Variants in SMIM14 observed in about 807,000 individuals in gnomAD.
SMIM14 encodes the protein small integral membrane protein 14.
SMIM14 carries 5 observed loss-of-function variants against 12.6 expected under a neutral mutation model. The observed-to-expected ratio is 0.40, with a 90% CI of 0.21 to 0.83. SMIM14 has a LOEUF of 0.83. Among genes scored for constraint, SMIM14 ranks in the 40% least tolerant of loss-of-function variants. SMIM14 has a pLI of 0.37. For synonymous variants in SMIM14, 30 were observed against 40.1 expected (o/e 0.75, Z 0.95); for missense variants, 86 against 119.1 (o/e 0.72, Z 1.29).
chr4:39,636,173 C>CA (rs749292775), intron 1 of SMIM14, among the ~76,000 whole-genome samples: 850 of 76,310 alleles, frequency 0.011, 20 homozygotes, highest in South Asian at 0.017. Context: ...CTCCATCTCC[C>CA]AAAAAAAAAA....
At chr4:39,552,977 G>A (rs1711798633) in intron 4 of SMIM14, among the ~76,000 whole-genome samples, 1 of 151,914 alleles carries the variant, frequency 6.6e-6, no homozygotes, top group Non-Finnish European at 1.5e-5. Flanking sequence ...CTAAGATAGT[G>A]GAACTACTAT....
At chr4:39,618,431 G>T (rs1489078787) in intron 1 of SMIM14, among the ~76,000 whole-genome samples, 3 of 151,914 alleles carry the variant, frequency 2.0e-5, no homozygotes, top group Non-Finnish European at 4.4e-5. Flanking sequence ...GGTGGGTCAC[G>T]AGGTCAGGAG....
At position 39,590,879 on chromosome 4, in the gene SMIM14, G is replaced by A. The variant is rs1241120537; in HGVS notation, c.75+14192C>T. 2.0e-5 allele frequency among the ~76,000 whole-genome samples: 3 copies of A among 151,646 alleles called. No individual in the cohort carries two copies. The East Asian group carries it at 5.8e-4, about 29-fold the overall frequency. ...AATAACACAGAATTATATGTAACAT[G>A]ATGAAGATACCCAGATTGTCACTGA... On this transcript the variant is annotated intron_variant, in intron 2 of 4. Transcript: ENST00000295958.
chr4:39,590,327 T>G (rs957512369), intron 2 of SMIM14, among the ~76,000 whole-genome samples: 5 of 147,390 alleles, frequency 3.4e-5, no homozygotes, highest in African/African-American at 1.3e-4. Flanking sequence ...GCAGGAGAAT[T>G]GCTTGTGGAA....
At chr4:39,583,070 G>A (rs899797868) in intron 2 of SMIM14, among the ~76,000 whole-genome samples, 1 of 151,992 alleles carries the variant, frequency 6.6e-6, no homozygotes, top group Non-Finnish European at 1.5e-5. Flanking sequence ...GGGATTACAC[G>A]CGTGAGCCAC....
chr4:39,562,662 T>A (rs1278558287), intron 3 of SMIM14, among the ~76,000 whole-genome samples: 1 of 151,942 alleles, frequency 6.6e-6, no homozygotes, highest in African/African-American at 2.4e-5. Flanking sequence ...TTAATTTTTT[T>A]ATATTTTTAA....
At chr4:39,592,142 TCTATTACA>T (rs1160577394) in intron 2 of SMIM14, among the ~76,000 whole-genome samples, 1 of 151,978 alleles carries the variant, frequency 6.6e-6, no homozygotes, top group Non-Finnish European at 1.5e-5. Flanking sequence ...GCTGCAGTGA[TCTATTACA>T]CCACTCCACT....
intron 2 of SMIM14, among the ~76,000 whole-genome samples, chr4:39,603,603 T>C (rs1714696494): frequency 6.6e-6 from 1 of 151,900 alleles, no homozygotes; most frequent in Non-Finnish European, 1.5e-5. Flanking sequence ...TAAAGTATAA[T>C]ATAAACAGCC....
At chr4:39,605,721 T>C (rs1313282472) in intron 1 of SMIM14, among the ~76,000 whole-genome samples, 3 of 152,140 alleles carry the variant, frequency 2.0e-5, no homozygotes, top group Non-Finnish European at 4.4e-5. Context: ...ACAAAATACA[T>C]GAAACAATTG....
intron 1 of SMIM14, among the ~76,000 whole-genome samples, chr4:39,627,052 T>G (rs1715729861): frequency 6.6e-6 from 1 of 152,192 alleles, no homozygotes. Context: ...GTAGATTCAG[T>G]GTCTGCTGAG....
intron 1 of SMIM14, among the ~76,000 whole-genome samples, chr4:39,635,861 C>T (rs1160594380): frequency 6.6e-6 from 1 of 151,936 alleles, no homozygotes; most frequent in East Asian, 1.9e-4. Context: ...GGGCACACAC[C>T]AAGACTCAAT....
intron 2 of SMIM14, among the ~76,000 whole-genome samples, chr4:39,599,692 G>A (rs182538120): frequency 1.3e-5 from 2 of 152,258 alleles, no homozygotes; most frequent in Non-Finnish European, 2.9e-5. Context: ...GGGAGGCTGA[G>A]GCGGGTGGAT....
intron 3 of SMIM14, among the ~76,000 whole-genome samples, chr4:39,559,716 A>G (rs1299781792): frequency 6.6e-6 from 1 of 152,142 alleles, no homozygotes; most frequent in Admixed American, 6.6e-5. Flanking sequence ...ACGAAGTCTT[A>G]TGGCAAACAA....
chr4:39,578,946 G>A (rs545491017), intron 2 of SMIM14, among the ~76,000 whole-genome samples: 155 of 145,868 alleles, frequency 1.1e-3, no homozygotes, highest in African/African-American at 3.6e-3. Context: ...GCAGTGAGCC[G>A]AGATCATACC....
In SMIM14 at chr4:39,599,878, T is replaced by C. The variant is rs188523653; in HGVS notation, c.75+5193A>G. ...CGGAGGTTGCAGTGAGTCGAGATCG[T>C]GCCACTGCACTCCAGCCTGAACAAC... On this transcript the variant is annotated intron_variant, in intron 2 of 4. Coordinates refer to ENST00000295958, the MANE Select transcript of SMIM14 (RefSeq NM_174921.3). Among the ~76,000 whole-genome samples, 351 of 146,250 alleles carry C rather than the reference T, an allele frequency of 2.4e-3. 4 individuals are homozygous for C. Among genetic ancestry groups the C allele is most frequent in the African/African-American group, 8.5e-3 (332 of 39,116 alleles).
chr4:39,620,364 A>G (rs900660519), intron 1 of SMIM14, among the ~76,000 whole-genome samples: 1 of 152,054 alleles, frequency 6.6e-6, no homozygotes, highest in Non-Finnish European at 1.5e-5. Context: ...CTGTAGTCCC[A>G]GCTACTCGGG....
chr4:39,576,678 ATATATATTTTTTTTTTTTTTTT>A (rs1713202766), intron 2 of SMIM14, among the ~76,000 whole-genome samples: 15 of 29,926 alleles, frequency 5.0e-4, no homozygotes, highest in African/African-American at 1.9e-3. Flanking sequence ...ATATATATAT[ATATATATTTTTTTTTTTTTTTT>A]TTTTTTTTTT....
intron 1 of SMIM14, among the ~76,000 whole-genome samples, chr4:39,637,646 G>C (rs1038948358): frequency 6.6e-6 from 1 of 152,126 alleles, no homozygotes; most frequent in African/African-American, 2.4e-5. Flanking sequence ...TCTGGTCGCA[G>C]TGCTGTCGAC....
Position 39,549,674 on chromosome 4 carries a change from G to C in SMIM14, c.*2452C>G, listed in dbSNP as rs550868713. ...TAACAGCTCAGAGAACAGATTGTTA[G>C]GATATATGGGCAAGCCTTCTAAGTT... On this transcript the variant is annotated 3_prime_UTR_variant, in exon 5 of 5. Coordinates refer to ENST00000295958, the MANE Select transcript of SMIM14 (RefSeq NM_174921.3). 6.6e-6 allele frequency: 1 copy of C among 152,168 alleles called. No individual in the cohort carries two copies. The highest frequency in any genetic ancestry group is 1.5e-5 in the Non-Finnish European group (1 of 68,030). The allele number at this position is 152,168 out of a possible 1,614,324, so 9.4% of individuals were successfully genotyped here. A position where few individuals can be genotyped will look rare whatever the true frequency, so the allele number is the denominator to read the frequency against.
Sources: gnomAD v4.1 joint callset for allele counts (sites outside exome capture counted in the v4.1 genomes callset) on GRCh38, gnomAD v4.1.1 for gene constraint, MANE v1.5 for transcripts, NCBI Gene and HGNC (gene_info 2026-07-23, HGNC 2026-07-21) for gene names.